The following TBC1D22B variants were observed in gnomAD, a reference collection of about 807,000 sequenced individuals.
The protein encoded by TBC1D22B is TBC1 domain family member 22B.
Under a neutral mutation model 69.1 loss-of-function variants are expected in TBC1D22B, and 32 were observed. That is an observed-to-expected ratio of 0.46 (90% confidence interval 0.35 to 0.62). TBC1D22B has a LOEUF of 0.62. TBC1D22B is among the 20% of genes least tolerant of loss of function. The pLI, the probability that TBC1D22B is intolerant of heterozygous loss-of-function variation, is 0.00. For missense variants in TBC1D22B, 462 were observed against 630.9 expected (o/e 0.73, Z 2.87); for synonymous variants, 206 against 229.8 (o/e 0.90, Z 0.94).
At chr6:37,289,546 G>T (rs1767112984) in intron 7 of TBC1D22B, among the ~76,000 whole-genome samples, 1 of 152,194 alleles carries the variant, frequency 6.6e-6, no homozygotes, top group Admixed American at 6.5e-5. Flanking sequence ...ATTCTGAACA[G>T]CTAGCTTCCA....
chr6:37,302,221 C>T (rs1767591967), intron 8 of TBC1D22B, among the ~76,000 whole-genome samples: 1 of 152,216 alleles, frequency 6.6e-6, no homozygotes, highest in Non-Finnish European at 1.5e-5. Flanking sequence ...GCTTCTTTAT[C>T]TGCTGAAGCC....
intron 2 of TBC1D22B, among the ~76,000 whole-genome samples, chr6:37,275,176 C>T (rs577664931): frequency 1.3e-5 from 2 of 152,312 alleles, no homozygotes; most frequent in East Asian, 3.9e-4. Flanking sequence ...AAGGCATCCC[C>T]AGCTGGAGTT....
intron 3 of TBC1D22B, among the ~76,000 whole-genome samples, chr6:37,281,970 T>C (rs1766846191): frequency 6.6e-6 from 1 of 152,184 alleles, no homozygotes. Flanking sequence ...GGTGCCTTGG[T>C]GTGTTTGATA....
chr6:37,293,304 C>T (rs1191380220), intron 8 of TBC1D22B, among the ~76,000 whole-genome samples: 10 of 152,020 alleles, frequency 6.6e-5, no homozygotes, highest in African/African-American at 1.9e-4. Flanking sequence ...GTCTCGATCT[C>T]CTGACCTCGT....
chr6:37,328,197 C>T (rs1252197432), intron 12 of TBC1D22B, among the ~76,000 whole-genome samples: 4 of 151,970 alleles, frequency 2.6e-5, no homozygotes, highest in Admixed American at 6.6e-5. Context: ...CCCAGCTACT[C>T]GGGAGGCTGA....
At chr6:37,269,136 C>T (rs147571219) in intron 1 of TBC1D22B, among the ~76,000 whole-genome samples, 1 of 151,914 alleles carries the variant, frequency 6.6e-6, no homozygotes, top group East Asian at 1.9e-4. Flanking sequence ...TACTTTATAC[C>T]CCTCCTGCAG....
At chr6:37,278,245 G>T (rs778332950) in intron 2 of TBC1D22B, among the ~76,000 whole-genome samples, 4 of 152,122 alleles carry the variant, frequency 2.6e-5, no homozygotes, top group African/African-American at 4.8e-5. Flanking sequence ...CGTCACTTTG[G>T]CACCTAGTTA....
chr6:37,308,707 G>A (rs530414555), intron 8 of TBC1D22B, among the ~76,000 whole-genome samples: 4 of 152,304 alleles, frequency 2.6e-5, no homozygotes, highest in South Asian at 4.1e-4. Flanking sequence ...TCCTTAAGAC[G>A]AAAGACAGAA....
intron 8 of TBC1D22B, among the ~76,000 whole-genome samples, chr6:37,298,512 T>C (rs1036715227): frequency 7.9e-5 from 12 of 151,386 alleles, no homozygotes; most frequent in Non-Finnish European, 8.8e-5. Flanking sequence ...ACTTTTCTTC[T>C]CTAGAAGAAC....
chr6:37,312,414 G>T (rs545096025), intron 8 of TBC1D22B, among the ~76,000 whole-genome samples: 9 of 152,244 alleles, frequency 5.9e-5, no homozygotes, highest in Admixed American at 1.3e-4. Flanking sequence ...CTTCTCTTTT[G>T]AGTGGCAAGA....
intron 12 of TBC1D22B, among the ~76,000 whole-genome samples, chr6:37,327,686 T>G (rs868495710): frequency 8.5e-5 from 13 of 152,104 alleles, no homozygotes; most frequent in African/African-American, 2.7e-4. Flanking sequence ...TCTGCTGGCT[T>G]GAGTGAATAT....
At position 37,287,055 on chromosome 6, in the gene TBC1D22B, C is replaced by G; in HGVS notation, c.850C>G (p.Gln284Glu). 6.2e-7 allele frequency: 1 copy of G among 1,604,768 alleles called. No individual in the cohort carries two copies. Among genetic ancestry groups the G allele is most frequent in the South Asian group, 1.1e-5 (1 of 89,158 alleles). The change falls in exon 7 of 13, where the codon CAA becomes GAA. Residue 284 changes from glutamine (Q) to glutamate (E), a missense_variant. Coordinates refer to ENST00000373491, the MANE Select transcript of TBC1D22B (RefSeq NM_017772.4). ...RTNPLIPLFQ[Q>E]PLVQEIFERI... ...GAATCCTCTCATTCCGTTGTTCCAG[C>G]AACCACTTGTACAGGAGGTGAGGGA...
intron 8 of TBC1D22B, among the ~76,000 whole-genome samples, chr6:37,309,147 T>G (rs1245199697): frequency 6.6e-6 from 1 of 152,210 alleles, no homozygotes; most frequent in Non-Finnish European, 1.5e-5. Context: ...TATTACCACT[T>G]TAACAGATGA....
chr6:37,279,211 A>C, intron 2 of TBC1D22B, 93 bp from the exon 3 acceptor site: 1 of 1,209,978 alleles, frequency 8.3e-7, no homozygotes, highest in Admixed American at 2.3e-5. Context: ...TGTATGTGGT[A>C]GTTTGTAATT....
intron 1 of TBC1D22B, among the ~76,000 whole-genome samples, chr6:37,267,398 CACAT>C (rs1380657961): frequency 4.5e-4 from 60 of 133,446 alleles, no homozygotes; most frequent in African/African-American, 1.7e-3. Flanking sequence ...TATATATACA[CACAT>C]ATATAATATA....
chr6:37,280,676 C>T lies in TBC1D22B; in HGVS notation c.421+1065C>T, dbSNP rs138636817. 3.7e-3 allele frequency among the ~76,000 whole-genome samples: 560 copies of T among 152,358 alleles called. 2 individuals carry two copies. The highest frequency in any genetic ancestry group is 0.012 in the African/African-American group (519 of 41,572). On this transcript the variant is annotated intron_variant, in intron 3 of 12. Coordinates refer to ENST00000373491, the MANE Select transcript of TBC1D22B (RefSeq NM_017772.4). ...TGCCCTGTGCAGCCAGGACCTCCCC[C>T]GCCCAGCCCAGAGCATTCTCCCTGA...
intron 2 of TBC1D22B, among the ~76,000 whole-genome samples, chr6:37,277,636 T>C (rs568434094): frequency 6.6e-6 from 1 of 151,908 alleles, no homozygotes; most frequent in Non-Finnish European, 1.5e-5. Context: ...TGGCTAATTT[T>C]TGTATTTTTT....
chr6:37,328,130 A>G (rs1397474007), intron 12 of TBC1D22B, among the ~76,000 whole-genome samples: 1 of 152,068 alleles, frequency 6.6e-6, no homozygotes, highest in Non-Finnish European at 1.5e-5. Flanking sequence ...CCTGGCCAAC[A>G]TGGTGAAACC....
At chr6:37,258,180 T>C in intron 1 of TBC1D22B, 1 of 581,782 alleles carries the variant, frequency 1.7e-6, no homozygotes, top group Non-Finnish European at 3.0e-6. Context: ...GACCGGGGTC[T>C]GGGGGCGGAG....
Sources: gnomAD v4.1 joint callset for allele counts (sites outside exome capture counted in the v4.1 genomes callset) on GRCh38, gnomAD v4.1.1 for gene constraint, MANE v1.5 for transcripts, NCBI Gene and HGNC (gene_info 2026-07-23, HGNC 2026-07-21) for gene names.